Variants in ART3 observed in about 807,000 individuals in gnomAD.
ART3 encodes ADP-ribosyltransferase 3 (inactive).
ART3 carries 49 observed loss-of-function variants against 48.5 expected under a neutral mutation model. The ratio of observed to expected loss-of-function variants is 1.01; its 90% CI spans 0.80 to 1.28. The LOEUF is 1.28. Ranked by LOEUF, ART3 falls within the 50% of genes most tolerant of loss-of-function variation. The pLI is 0.00. For missense variants in ART3, 438 were observed against 454.3 expected, an observed-to-expected ratio of 0.96 and a Z score of 0.33; for synonymous variants, 145 against 157.2, an observed-to-expected ratio of 0.92 and a Z score of 0.58.
Position 76,065,902 on chromosome 4 carries a change from T to G in ART3, c.-9-9979T>G, listed in dbSNP as rs536285636. On this transcript the variant is annotated intron_variant, in intron 1 of 9. Transcript: ENST00000341029. ...AAGTCTGTCTGTACTCTGTAACCTTTAAGATTATCCTTAGTAGTCTGAAGG... is the reference window on the plus strand; with the variant it reads ...AAGTCTGTCTGTACTCTGTAACCTTGAAGATTATCCTTAGTAGTCTGAAGG... 1.3e-3 allele frequency among the ~76,000 whole-genome samples: 191 copies of G among 152,278 alleles called. 1 individual carries two copies. The highest frequency in any genetic ancestry group is 2.8e-3 in the Admixed American group (43 of 15,298).
chr4:76,076,321 A>G (rs1721076693), intron 2 of ART3, among the ~76,000 whole-genome samples: 1 of 152,108 alleles, frequency 6.6e-6, no homozygotes, highest in African/African-American at 2.4e-5. Context: ...GAAATTCTTG[A>G]TATAACATTA....
intron 9 of ART3, 110 bp from the exon 10 acceptor site, chr4:76,104,487 G>C (rs1258598695): frequency 5.3e-6 from 8 of 1,517,032 alleles, no homozygotes; most frequent in African/African-American, 4.2e-5. Flanking sequence ...AGAAACTATA[G>C]TGCATTGGGG....
intron 1 of ART3, among the ~76,000 whole-genome samples, chr4:76,038,430 G>T (rs1734642264): frequency 6.6e-6 from 1 of 152,114 alleles, no homozygotes; most frequent in Admixed American, 6.5e-5. Context: ...ATAAGGTGAG[G>T]GGGCTACTGT....
At chr4:76,037,940 T>C (rs1176182502) in intron 1 of ART3, among the ~76,000 whole-genome samples, 3 of 152,200 alleles carry the variant, frequency 2.0e-5, no homozygotes, top group South Asian at 2.1e-4. Context: ...CATTTTATCT[T>C]GAAATTATAT....
rs945401948 is a variant in ART3, at chr4:76,110,264, C to T, written c.1037-2122C>T. Among the ~76,000 whole-genome samples the T allele has an allele frequency of 1.3e-5, 2 of 152,184 alleles. 1 individual carries two copies. The highest frequency in any genetic ancestry group is 4.1e-4 in the South Asian group (2 of 4,832). ...AAAAACCCATACAGTACAACAACTA[C>T]TTGCATTTCATTTACATTGTATTAG... is the stretch of plus-strand genomic sequence containing the variant. On this transcript the variant is annotated intron_variant, in intron 11 of 11. Coordinates refer to ENST00000355810, the MANE Select transcript of ART3 (RefSeq NM_001130016.3).
At chr4:76,111,540 A>T (rs980002367) in intron 11 of ART3, among the ~76,000 whole-genome samples, 2 of 128,676 alleles carry the variant, frequency 1.6e-5, no homozygotes, top group African/African-American at 6.6e-5. Context: ...GTAAAAATAC[A>T]GTTTATTTAT....
At position 76,018,601 on chromosome 4, in the gene ART3, AG is replaced by A. The variant is rs370227659; in HGVS notation, c.-10+7282del. On this transcript the variant is annotated intron_variant, in intron 1 of 9. Coordinates refer to the ART3 transcript ENST00000341029. ...CCTAAACCTAAAATAAAAGTTGGAA[AG>A]AAAAAAAATTCAAGAAGTATTAAAT... Among the ~76,000 whole-genome samples the A allele has an allele frequency of 2.1e-3, 322 of 152,332 alleles. 1 individual carries two copies. The highest frequency in any genetic ancestry group is 7.3e-3 in the African/African-American group (305 of 41,564).
Position 76,082,062 on chromosome 4 carries a change from C to A in ART3, c.308C>A (p.Ser103Tyr). Residue 103 changes from serine (S) to tyrosine (Y), a missense_variant, in exon 3 of 12, where the codon TCC (serine) becomes TAC (tyrosine). Physicochemically the swap from Ser to Tyr is moderately radical, Grantham distance 144. This residue lies in a region of ART3 where 206 missense variants were observed against 205.3 expected (regional missense o/e 1.00). Transcript: ENST00000355810. ...NHGIALMAYI[S>Y]EAQEQTPFYH... The stretch of plus-strand genomic sequence containing the variant: ...GGAATAGCCCTGATGGCATATATTT[C>A]CGAAGCTCAAGAGCAAACTCCCTTT... 1 of 1,614,202 alleles carries A rather than the reference C, an allele frequency of 6.2e-7. No homozygotes were observed. The highest frequency in any genetic ancestry group is 8.5e-7 in the Non-Finnish European group (1 of 1,180,052).
chr4:76,069,902 A>C (rs991307716), upstream of ART3, among the ~76,000 whole-genome samples: 40 of 152,058 alleles, frequency 2.6e-4, no homozygotes, highest in African/African-American at 9.1e-4. Flanking sequence ...CATACCCAAG[A>C]TGTAGGCCTC....
intron 1 of ART3, among the ~76,000 whole-genome samples, chr4:76,011,823 A>C (rs1731827193): frequency 6.6e-6 from 1 of 152,120 alleles, no homozygotes; most frequent in Non-Finnish European, 1.5e-5. Context: ...TTCGTTTAGG[A>C]ACTTGTCATG....
chr4:76,080,308 A>G (rs1334818668), intron 2 of ART3, among the ~76,000 whole-genome samples: 5 of 152,196 alleles, frequency 3.3e-5, no homozygotes, highest in African/African-American at 1.2e-4. Flanking sequence ...TAATACATAT[A>G]TTCCTAGCAT....
chr4:76,090,005 G>A (rs1724512606), intron 3 of ART3, among the ~76,000 whole-genome samples: 1 of 152,112 alleles, frequency 6.6e-6, no homozygotes, highest in African/African-American at 2.4e-5. Flanking sequence ...ACTTGAACCT[G>A]GGAGGCAGAG....
At chr4:76,034,366 G>A (rs13130018) in intron 1 of ART3, 248,230 of 422,546 alleles carry the variant, frequency 0.59, 76,379 homozygotes, top group East Asian at 0.93. Context: ...ACAGACAGAT[G>A]ACTTCTAGAG....
At chr4:76,082,877 C>T (rs899474086) in intron 3 of ART3, among the ~76,000 whole-genome samples, 1 of 152,000 alleles carries the variant, frequency 6.6e-6, no homozygotes, top group African/African-American at 2.4e-5. Flanking sequence ...AGGCCAGAAA[C>T]ACTGATAGAC....
intron 1 of ART3, among the ~76,000 whole-genome samples, chr4:76,059,960 G>C (rs1412664169): frequency 6.6e-6 from 1 of 152,184 alleles, no homozygotes; most frequent in Non-Finnish European, 1.5e-5. Context: ...TGAGTCACTG[G>C]TTAGGAAATC....
intron 8 of ART3, among the ~76,000 whole-genome samples, 153 bp downstream of exon 8, chr4:76,101,172 T>C (rs1228709650): frequency 6.6e-6 from 1 of 152,186 alleles, no homozygotes; most frequent in East Asian, 1.9e-4. Flanking sequence ...CTCTCCTGGG[T>C]TTCAGGTAGA....
At chr4:76,057,362 A>G (rs1042143766) in intron 1 of ART3, among the ~76,000 whole-genome samples, 1 of 152,180 alleles carries the variant, frequency 6.6e-6, no homozygotes, top group Non-Finnish European at 1.5e-5. Context: ...ACAATATTCC[A>G]ATGTTCCAAT....
At chr4:76,079,827 G>A (rs939863824) in intron 2 of ART3, among the ~76,000 whole-genome samples, 1 of 151,856 alleles carries the variant, frequency 6.6e-6, no homozygotes, top group African/African-American at 2.4e-5. Flanking sequence ...ACCTAGAGCA[G>A]GATATGGAAG....
rs1446998987 is a variant in ART3 at position 76,043,061 on chromosome 4, A to G, written c.-10+31741A>G. ...GGGCCCCACCAGAATAGCTAGATAC[A>G]GAGTGTCGATTGGTGCATTCACAAA... On this transcript the variant is annotated intron_variant, in intron 1 of 9. Coordinates refer to the ART3 transcript ENST00000341029. Among the ~76,000 whole-genome samples the G allele has an allele frequency of 9.2e-4, 139 of 150,706 alleles. 1 individual carries two copies. Among genetic ancestry groups the G allele is most frequent in the Middle Eastern group, 6.9e-3 (2 of 290 alleles).
Sources: gnomAD v4.1 joint callset for allele counts (sites outside exome capture counted in the v4.1 genomes callset) on GRCh38, gnomAD v4.1.1 for gene constraint, gnomAD v4.1.1 regional missense constraint, MANE v1.5 for transcripts, NCBI Gene and HGNC (gene_info 2026-07-23, HGNC 2026-07-21) for gene names.